Variants in CTTNBP2 observed in about 807,000 individuals in gnomAD.
CTTNBP2 encodes cortactin binding protein 2.
A neutral mutation model predicts 156.9 loss-of-function variants in CTTNBP2; 108 were observed. The observed-to-expected ratio is 0.69, with a 90% confidence interval of 0.59 to 0.81. The LOEUF is 0.81. Among genes scored for constraint, CTTNBP2 ranks in the 30% least tolerant of loss-of-function variants. CTTNBP2 has a pLI of 0.00. For missense variants in CTTNBP2, 1,924 were observed against 2,035.4 expected (o/e 0.95, Z 1.05); for synonymous variants, 767 against 751.8 (o/e 1.02, Z -0.33).
intron 2 of CTTNBP2, among the ~76,000 whole-genome samples, chr7:117,818,663 A>G (rs1800768082): frequency 6.6e-6 from 1 of 152,222 alleles, no homozygotes; most frequent in South Asian, 2.1e-4. Context: ...TTTTGGCTGA[A>G]GTATTCAAAG....
At chr7:117,855,161 G>A (rs1433116407) in intron 2 of CTTNBP2, among the ~76,000 whole-genome samples, 1 of 152,120 alleles carries the variant, frequency 6.6e-6, no homozygotes. Flanking sequence ...AAGTGGTTGG[G>A]CTCAGTTCTA....
intron 22 of CTTNBP2, among the ~76,000 whole-genome samples, chr7:117,716,467 G>A (rs1794384179): frequency 6.6e-6 from 1 of 152,000 alleles, no homozygotes; most frequent in African/African-American, 2.4e-5. Flanking sequence ...AAATTCTTGG[G>A]TCCTAGAGAC....
At chr7:117,782,590 G>A (rs1355791630) in intron 6 of CTTNBP2, among the ~76,000 whole-genome samples, 1 of 152,154 alleles carries the variant, frequency 6.6e-6, no homozygotes, top group Non-Finnish European at 1.5e-5. Flanking sequence ...CATATGTGTT[G>A]ATATGCCATA....
At chr7:117,756,690 T>C (rs1287025428) in intron 11 of CTTNBP2, 56 bp from the exon 12 acceptor site, 3 of 1,083,190 alleles carry the variant, frequency 2.8e-6, no homozygotes, top group South Asian at 2.5e-5. Flanking sequence ...ATATAAACGA[T>C]CAAAACACAA....
Position 117,750,643 on chromosome 7 carries a change from A to C in CTTNBP2, c.3349-4544T>G, listed in dbSNP as rs1007690798. ...AAATTCTGAACAACAACAAAAAAAA[A>C]CCTTAATTACTGGGAACCTGTTACT... On this transcript the variant is annotated intron_variant, in intron 12 of 22. Coordinates refer to ENST00000160373, the MANE Select transcript of CTTNBP2 (RefSeq NM_033427.3). Among the ~76,000 whole-genome samples the C allele has an allele frequency of 3.9e-4, 60 of 152,276 alleles. 1 individual carries two copies. Among genetic ancestry groups the C allele is most frequent in the African/African-American group, 1.4e-3 (57 of 41,550 alleles).
In CTTNBP2 at chr7:117,792,873, A is replaced by G; in HGVS notation, c.415-92T>C. 1 of 927,866 alleles carries G rather than the reference A, an allele frequency of 1.1e-6. No homozygotes were observed. The allele number at this position is 927,866 out of a possible 1,614,324, so 57.5% of individuals were successfully genotyped here. ...TTTGTGAGATTTTTATTAATTTTCT[A>G]ACAATTACATAACTCGGGTTAGCAA... On this transcript the variant is annotated intron_variant, in intron 3 of 22. Coordinates refer to ENST00000160373, the MANE Select transcript of CTTNBP2 (RefSeq NM_033427.3). The surrounding 1 kb of genome is among the most constrained non-coding windows in gnomAD (Gnocchi z 4.2).
intron 12 of CTTNBP2, among the ~76,000 whole-genome samples, chr7:117,754,298 C>T (rs1796772947): frequency 1.3e-5 from 2 of 152,186 alleles, no homozygotes; most frequent in South Asian, 4.1e-4. Context: ...TCCCCGTCCA[C>T]CCACTCTTTA....
At chr7:117,849,754 G>A (rs998597521) in intron 2 of CTTNBP2, among the ~76,000 whole-genome samples, 6 of 152,132 alleles carry the variant, frequency 3.9e-5, no homozygotes, top group Non-Finnish European at 5.9e-5. Flanking sequence ...CCCAGAAGCC[G>A]TCCATAATTC....
intron 8 of CTTNBP2, among the ~76,000 whole-genome samples, chr7:117,773,028 A>G (rs189064717): frequency 1.4e-3 from 208 of 152,346 alleles, no homozygotes; most frequent in Middle Eastern, 3.4e-3. Context: ...TTAATAGAAA[A>G]AAAGGAAATA....
At chr7:117,809,264 T>C (rs1171855044) in intron 3 of CTTNBP2, among the ~76,000 whole-genome samples, 2 of 152,066 alleles carry the variant, frequency 1.3e-5, no homozygotes, top group African/African-American at 4.8e-5. Context: ...AAAAGAGAAA[T>C]GAGTTTTGTT....
chr7:117,792,092 A>G lies in CTTNBP2; in HGVS notation c.1104T>C (p.Ala368=), dbSNP rs781159683. ...TTGGAGGTGGGAAAGCGGGTACAGA[A>G]GCGCCAATCAAGTCACCATAGGAAG... ...RQASYGDLIG[A]SVPAFPPPSA... Residue 368 remains alanine, a synonymous_variant, in exon 4 of 23, where the codon GCT becomes GCC. Transcript: ENST00000160373. This position sits in a 1 kb window ranked among gnomAD's most constrained non-coding sequence, Gnocchi z 4.2. 9.9e-6 allele frequency: 16 copies of G among 1,614,062 alleles called. No individual in the cohort carries two copies. The highest frequency in any genetic ancestry group is 8.5e-7 in the Non-Finnish European group (1 of 1,180,036).
intron 2 of CTTNBP2, among the ~76,000 whole-genome samples, chr7:117,822,669 C>T (rs34024754): frequency 0.028 from 4,205 of 152,200 alleles, 221 homozygotes; most frequent in African/African-American, 0.097. Flanking sequence ...TGGAATTTTC[C>T]GAAATAGCTA....
chr7:117,840,084 A>G (rs994058633), intron 2 of CTTNBP2, among the ~76,000 whole-genome samples: 5 of 152,206 alleles, frequency 3.3e-5, no homozygotes, highest in Non-Finnish European at 7.3e-5. Context: ...TGTTCATACA[A>G]TCCACAAATA....
At chr7:117,837,547 A>AT (rs536836708) in intron 2 of CTTNBP2, among the ~76,000 whole-genome samples, 27 of 152,236 alleles carry the variant, frequency 1.8e-4, no homozygotes, top group South Asian at 1.0e-3. Flanking sequence ...TGAATTTCAG[A>AT]TTTTTTAGAT....
chr7:117,769,034 T>C (rs1797669618), intron 8 of CTTNBP2, among the ~76,000 whole-genome samples: 1 of 152,158 alleles, frequency 6.6e-6, no homozygotes, highest in African/African-American at 2.4e-5. Context: ...GGTGTACACG[T>C]TTGGTGTTCA....
chr7:117,725,749 G>A (rs573886668), intron 17 of CTTNBP2, among the ~76,000 whole-genome samples: 5 of 152,014 alleles, frequency 3.3e-5, no homozygotes, highest in Non-Finnish European at 7.4e-5. Context: ...GTGCCAAGGC[G>A]CAATCTCGGC....
intron 17 of CTTNBP2, among the ~76,000 whole-genome samples, chr7:117,727,540 C>T (rs1795158923): frequency 6.6e-6 from 1 of 152,198 alleles, no homozygotes; most frequent in African/African-American, 2.4e-5. Flanking sequence ...GACTTCTGCC[C>T]ATGGCACCAG....
chr7:117,796,180 T>C (rs2116888215), intron 3 of CTTNBP2, among the ~76,000 whole-genome samples: 1 of 152,364 alleles, frequency 6.6e-6, no homozygotes, highest in South Asian at 2.1e-4. Flanking sequence ...AGTGTTGGAC[T>C]TTCCTTCAGC....
At chr7:117,858,999 G>C (rs535921434) in intron 2 of CTTNBP2, among the ~76,000 whole-genome samples, 5 of 150,486 alleles carry the variant, frequency 3.3e-5, no homozygotes, top group African/African-American at 1.3e-4. Context: ...AAATAGACAC[G>C]TGTTTTATCA....
Sources: gnomAD v4.1 joint callset for allele counts (sites outside exome capture counted in the v4.1 genomes callset) on GRCh38, gnomAD v4.1.1 for gene constraint, Gnocchi (gnomAD v3.1) non-coding constraint, MANE v1.5 for transcripts, NCBI Gene and HGNC (gene_info 2026-07-23, HGNC 2026-07-21) for gene names.